LRRC4C: variants seen among roughly 807,000 people sequenced by gnomAD.
LRRC4C encodes the protein leucine-rich repeat-containing protein 4C.
A neutral mutation model predicts 33.6 loss-of-function variants in LRRC4C; 5 were observed. That is an observed-to-expected ratio of 0.15 (90% CI 0.08 to 0.31). The LOEUF is 0.31. LRRC4C is among the 10% of genes least tolerant of loss of function. LRRC4C has a pLI of 1.00. For synonymous variants in LRRC4C, 329 were observed against 302.0 expected (o/e 1.09, Z -0.93); for missense variants, 560 against 796.7 (o/e 0.70, Z 3.58).
chr11:41,014,113 G>A (rs938669149), intron 1 of LRRC4C, among the ~76,000 whole-genome samples: 6 of 152,106 alleles, frequency 3.9e-5, no homozygotes, highest in African/African-American at 1.4e-4. Context: ...CATGGTGGAA[G>A]GGGCAAGGAA....
At chr11:40,219,163 T>C (rs1864221208) in intron 5 of LRRC4C, among the ~76,000 whole-genome samples, 1 of 152,178 alleles carries the variant, frequency 6.6e-6, no homozygotes, top group Admixed American at 6.5e-5. Context: ...AAATTGAAAT[T>C]TAAATTCATT....
At chr11:41,370,558 G>A (rs995887650) in intron 1 of LRRC4C, among the ~76,000 whole-genome samples, 1 of 151,990 alleles carries the variant, frequency 6.6e-6, no homozygotes, top group Non-Finnish European at 1.5e-5. Context: ...TTCTCTTGCC[G>A]CCACCATGTA....
intron 3 of LRRC4C, among the ~76,000 whole-genome samples, chr11:40,524,203 AATTC>A: frequency 6.6e-6 from 1 of 152,202 alleles, no homozygotes; most frequent in East Asian, 1.9e-4. Context: ...AATCTTTATT[AATTC>A]AGTATCAATG....
intron 1 of LRRC4C, among the ~76,000 whole-genome samples, chr11:41,079,463 T>TA (rs1419926996): frequency 6.6e-6 from 1 of 152,166 alleles, no homozygotes; most frequent in Non-Finnish European, 1.5e-5. Context: ...CCCAATAAAT[T>TA]AAAAAATCTT....
At chr11:40,122,163 A>C in intron 6 of LRRC4C, among the ~76,000 whole-genome samples, 1 of 152,130 alleles carries the variant, frequency 6.6e-6, no homozygotes, top group East Asian at 1.9e-4. Flanking sequence ...TCAATCCTGA[A>C]TTGTTGTGTC....
At position 41,403,969 on chromosome 11, in the gene LRRC4C, A is replaced by G. The variant is rs182290255; in HGVS notation, c.-496+55462T>C. ...GGGAACACACACACCATAGACACAT[A>G]CACAATGGCAATGACCTTGCAGTAG... is the stretch of plus-strand genomic sequence containing the variant. On this transcript the variant is annotated intron_variant, in intron 1 of 6. Coordinates refer to ENST00000528697, the MANE Select transcript of LRRC4C (RefSeq NM_001258419.2). Among the ~76,000 whole-genome samples the G allele has an allele frequency of 5.9e-5, 9 of 152,242 alleles. No individual in the cohort carries two copies. The East Asian group carries it at 1.7e-3, about 30-fold the overall frequency.
intron 2 of LRRC4C, among the ~76,000 whole-genome samples, chr11:40,696,538 G>A (rs1945542175): frequency 6.7e-6 from 1 of 148,630 alleles, no homozygotes; most frequent in South Asian, 2.1e-4. Context: ...TGTGGTAGTG[G>A]TATTTTTCTT....
chr11:41,097,188 GGC>G (rs1274909992), intron 1 of LRRC4C, among the ~76,000 whole-genome samples: 1 of 152,124 alleles, frequency 6.6e-6, no homozygotes, highest in African/African-American at 2.4e-5. Context: ...GTACAGTTGT[GGC>G]GTTTCTAACC....
At chr11:40,942,387 G>A (rs1215133205) in intron 1 of LRRC4C, among the ~76,000 whole-genome samples, 1 of 152,132 alleles carries the variant, frequency 6.6e-6, no homozygotes, top group East Asian at 1.9e-4. Context: ...TTTACTCATG[G>A]ACCAGAACTT....
intron 5 of LRRC4C, among the ~76,000 whole-genome samples, chr11:40,193,752 A>G (rs992784159): frequency 6.6e-6 from 1 of 152,154 alleles, no homozygotes. Context: ...CAGTTTAGGG[A>G]ATGACATAAA....
chr11:41,133,510 T>G, intron 1 of LRRC4C, among the ~76,000 whole-genome samples: 1 of 94,298 alleles, frequency 1.1e-5, no homozygotes, highest in East Asian at 3.6e-4. Flanking sequence ...ACAGAATAGA[T>G]ACCCTCTTGG....
chr11:40,553,298 A>AT (rs138161156), intron 3 of LRRC4C, among the ~76,000 whole-genome samples: 4,009 of 152,212 alleles, frequency 0.026, 78 homozygotes, highest in Non-Finnish European at 0.04. Context: ...AAACAAAAAA[A>AT]GTGGATCAGA....
At chr11:40,722,202 C>T (rs899151970) in intron 2 of LRRC4C, among the ~76,000 whole-genome samples, 15 of 152,034 alleles carry the variant, frequency 9.9e-5, no homozygotes, top group Non-Finnish European at 1.5e-4. Context: ...TCATTTTGTA[C>T]TATTTGGTAA....
intron 3 of LRRC4C, among the ~76,000 whole-genome samples, chr11:40,448,825 C>T (rs1951758661): frequency 6.6e-6 from 1 of 152,190 alleles, no homozygotes; most frequent in African/African-American, 2.4e-5. Flanking sequence ...AATTGCCATA[C>T]TGTCTTCCAC....
At chr11:40,217,447 T>C (rs1010981288) in intron 5 of LRRC4C, among the ~76,000 whole-genome samples, 4 of 152,206 alleles carry the variant, frequency 2.6e-5, no homozygotes, top group African/African-American at 9.6e-5. Flanking sequence ...ATTTTTATAG[T>C]CAAAAGGCTC....
chr11:41,049,412 A>G (rs1163843375), intron 1 of LRRC4C, among the ~76,000 whole-genome samples: 1 of 152,232 alleles, frequency 6.6e-6, no homozygotes, highest in African/African-American at 2.4e-5. Context: ...ATGTCTTTAC[A>G]GCAGTGTGAA....
At chr11:41,022,641 G>A (rs1337326318) in intron 1 of LRRC4C, among the ~76,000 whole-genome samples, 1 of 151,944 alleles carries the variant, frequency 6.6e-6, no homozygotes, top group Non-Finnish European at 1.5e-5. Flanking sequence ...AAAGTTGTTT[G>A]TACATGTGGG....
chr11:40,330,318 T>C (rs185803892), intron 3 of LRRC4C, among the ~76,000 whole-genome samples: 108 of 152,276 alleles, frequency 7.1e-4, no homozygotes, highest in Non-Finnish European at 4.1e-4. Flanking sequence ...ATCTCACTTA[T>C]AAAAATATTA....
At chr11:40,511,500 T>C (rs1955313341) in intron 3 of LRRC4C, among the ~76,000 whole-genome samples, 2 of 152,204 alleles carry the variant, frequency 1.3e-5, no homozygotes. Flanking sequence ...GTTTGCACTA[T>C]AAAATGGGAG....
Sources: allele counts gnomAD v4.1 joint callset (sites outside exome capture counted in the v4.1 genomes callset), GRCh38; gene constraint gnomAD v4.1.1; transcripts MANE v1.5; gene names NCBI Gene and HGNC (gene_info 2026-07-23, HGNC 2026-07-21).